The following TBC1D21 variants were observed in gnomAD, a reference collection of about 807,000 sequenced individuals.
TBC1D21 encodes the protein male germ cell Rab GTPase-activating protein.
A neutral mutation model predicts 46.0 loss-of-function variants in TBC1D21; 38 were observed. The observed-to-expected ratio is 0.83, with a 90% CI of 0.64 to 1.08. The LOEUF (loss-of-function observed/expected upper bound fraction) is 1.08, where lower values mean the gene tolerates loss of function less well. TBC1D21 is among the 50% of genes least tolerant of loss of function. The probability of loss-of-function intolerance (pLI) is 0.00; values close to 1 mark genes in which losing one functional copy is unlikely to be tolerated. For synonymous variants in TBC1D21, 151 were observed against 157.2 expected (o/e 0.96, Z 0.29); for missense variants, 415 against 417.9 (o/e 0.99, Z 0.06).
intron 3 of TBC1D21, among the ~76,000 whole-genome samples, chr15:73,883,618 A>G (rs907205313): frequency 6.6e-6 from 1 of 152,196 alleles, no homozygotes; most frequent in Admixed American, 6.5e-5. Flanking sequence ...ACTTAGTCAC[A>G]TCTACAAAGA....
intron 3 of TBC1D21, among the ~76,000 whole-genome samples, chr15:73,882,765 A>C (rs2068177013): frequency 6.6e-6 from 1 of 152,222 alleles, no homozygotes; most frequent in African/African-American, 2.4e-5. Context: ...CAATCAGATA[A>C]TACAGGTAAG....
At chr15:73,892,508 C>T (rs908824502), downstream of TBC1D21, among the ~76,000 whole-genome samples, 6 of 152,190 alleles carry the variant, frequency 3.9e-5, no homozygotes, top group East Asian at 3.8e-4. Flanking sequence ...TTCCATGCAC[C>T]GCTGCGTTCC....
intron 1 of TBC1D21, among the ~76,000 whole-genome samples, chr15:73,880,406 T>C (rs1020981262): frequency 1.7e-4 from 26 of 152,090 alleles, no homozygotes; most frequent in Admixed American, 5.2e-4. Context: ...AGCTCATAAC[T>C]GTGTCTAATT....
At chr15:73,899,731 T>C in the TBC1D21 span, among the ~76,000 whole-genome samples, 2 of 152,158 alleles carry the variant, frequency 1.3e-5, no homozygotes, top group Admixed American at 1.3e-4. Flanking sequence ...TAGAAGTCTC[T>C]GAGCCAGGGA....
At chr15:73,880,328 A>ACACACACC (rs762418406) in intron 1 of TBC1D21, among the ~76,000 whole-genome samples, 85 of 150,888 alleles carry the variant, frequency 5.6e-4, no homozygotes, top group East Asian at 2.1e-3. Context: ...ACACACACAC[A>ACACACACC]CCCTTATCAA....
At chr15:73,885,828 AC>A (rs2068235254) in intron 6 of TBC1D21, among the ~76,000 whole-genome samples, 1 of 151,824 alleles carries the variant, frequency 6.6e-6, no homozygotes, top group African/African-American at 2.4e-5. Context: ...ACACACACAC[AC>A]ACACACACAC....
Position 73,889,053 on chromosome 15 carries a change from C to T in TBC1D21, c.979-16C>T, listed in dbSNP as rs749777070. ...CAGACCAATGTCTGTGCACCTCCCACCTGCCTCCTCCCTAGGTTCCTCAGA... is the reference window on the plus strand; with the variant it reads ...CAGACCAATGTCTGTGCACCTCCCATCTGCCTCCTCCCTAGGTTCCTCAGA... On this transcript the variant is annotated splice_polypyrimidine_tract_variant and intron_variant, in intron 10 of 10. Transcript: ENST00000300504. 1.1e-5 allele frequency: 17 copies of T among 1,613,274 alleles called. No individual in the cohort carries two copies. Among genetic ancestry groups the T allele is most frequent in the Middle Eastern group, 1.6e-4 (1 of 6,082 alleles).
At chr15:73,886,339 T>C (rs757187433) in intron 7 of TBC1D21, among the ~76,000 whole-genome samples, 165 bp downstream of exon 7, 1 of 152,202 alleles carries the variant, frequency 6.6e-6, no homozygotes, top group Non-Finnish European at 1.5e-5. Flanking sequence ...GGTTGGAGCC[T>C]GGACAGTTGA....
chr15:73,906,107 C>G, the TBC1D21 span, among the ~76,000 whole-genome samples: 1 of 152,294 alleles, frequency 6.6e-6, no homozygotes, highest in South Asian at 2.1e-4. Flanking sequence ...CTAAGCTGCT[C>G]ACACTCAAGA....
At chr15:73,879,144 T>C (rs2141555997) in intron 1 of TBC1D21, among the ~76,000 whole-genome samples, 1 of 152,340 alleles carries the variant, frequency 6.6e-6, no homozygotes, top group South Asian at 2.1e-4. Flanking sequence ...TAGTAGAAAT[T>C]ATCCCAATTT....
At chr15:73,884,682 T>C in intron 4 of TBC1D21, 99 bp from the exon 5 acceptor site, 1 of 777,950 alleles carries the variant, frequency 1.3e-6, no homozygotes, top group Non-Finnish European at 2.1e-6. Context: ...CCCTCCAGGA[T>C]GTCCTAGGGC....
At chr15:73,881,037 T>C (rs973048390) in intron 1 of TBC1D21, among the ~76,000 whole-genome samples, 2 of 152,226 alleles carry the variant, frequency 1.3e-5, no homozygotes, top group Non-Finnish European at 2.9e-5. Flanking sequence ...CAATTCTGTA[T>C]TCTGCTTTTT....
chr15:73,881,792 G>A, intron 3 of TBC1D21, 45 bp downstream of exon 3: 3 of 1,567,354 alleles, frequency 1.9e-6, no homozygotes, highest in South Asian at 1.1e-5. Context: ...GGGCCTGCAG[G>A]TGGCAGGTGC....
Position 73,881,442 on chromosome 15 carries a change from T to C in TBC1D21, c.104T>C (p.Phe35Ser), listed in dbSNP as rs1194330498. 3 of 1,614,086 alleles carry C rather than the reference T, an allele frequency of 1.9e-6. No homozygotes were observed. Among genetic ancestry groups the C allele is most frequent in the Non-Finnish European group, 2.5e-6 (3 of 1,180,034 alleles). ...PPIDKTEWDSFFDESGHLAKS... is the reference protein window; with the variant it reads ...PPIDKTEWDSSFDESGHLAKS... ...ATTGACAAGACAGAATGGGACAGCT[T>C]CTTTGATGAGAGTGGCCACTTGGCC... Residue 35 changes from phenylalanine to serine, a missense_variant, in exon 2 of 11, where the codon TTC becomes TCC. Physicochemically the swap from Phe to Ser is radical, Grantham distance 155. Coordinates refer to ENST00000300504, the MANE Select transcript of TBC1D21 (RefSeq NM_153356.3).
intron 1 of TBC1D21, among the ~76,000 whole-genome samples, chr15:73,877,514 TAAAA>T (rs541803630): frequency 5.3e-3 from 386 of 72,736 alleles, no homozygotes; most frequent in African/African-American, 0.022. Context: ...TCCAGAAAAC[TAAAA>T]AAAAAAAAAA....
chr15:73,900,146 C>A, the TBC1D21 span, among the ~76,000 whole-genome samples: 1 of 152,226 alleles, frequency 6.6e-6, no homozygotes, highest in African/African-American at 2.4e-5. Context: ...ATGCCAGGGT[C>A]TGAGGGCTGA....
intron 1 of TBC1D21, among the ~76,000 whole-genome samples, chr15:73,875,026 C>A (rs954718341): frequency 6.6e-6 from 1 of 152,164 alleles, no homozygotes; most frequent in Non-Finnish European, 1.5e-5. Context: ...GCGGGCAGAT[C>A]ACCTGAGGTC....
the TBC1D21 span, among the ~76,000 whole-genome samples, chr15:73,899,715 G>C: frequency 6.6e-6 from 1 of 152,208 alleles, no homozygotes; most frequent in South Asian, 2.1e-4. Flanking sequence ...GGACAGAATG[G>C]AGCCATAGAA....
chr15:73,879,933 G>T (rs1198475761), intron 1 of TBC1D21, among the ~76,000 whole-genome samples: 2 of 152,092 alleles, frequency 1.3e-5, no homozygotes, highest in Non-Finnish European at 2.9e-5. Context: ...TATGTGCTCT[G>T]TTGCCCAGGC....
Sources: gnomAD v4.1 joint callset for allele counts (sites outside exome capture counted in the v4.1 genomes callset) on GRCh38, gnomAD v4.1.1 for gene constraint, MANE v1.5 for transcripts, NCBI Gene and HGNC (gene_info 2026-07-23, HGNC 2026-07-21) for gene names.